IRAG2: variants seen among roughly 807,000 people sequenced by gnomAD.
IRAG2 encodes lymphoid restricted membrane protein.
A neutral mutation model predicts 69.9 loss-of-function variants in IRAG2; 45 were observed. The ratio of observed to expected loss-of-function variants is 0.64; its 90% confidence interval spans 0.51 to 0.83. IRAG2 has a LOEUF of 0.83. Ranked by LOEUF, IRAG2 falls within the 40% of genes least tolerant of loss-of-function variation. The pLI, the probability that IRAG2 is intolerant of heterozygous loss-of-function variation, is 0.00. For synonymous variants in IRAG2, 193 were observed against 202.4 expected, an observed-to-expected ratio of 0.95 and a Z score of 0.40; for missense variants, 520 against 587.0, an observed-to-expected ratio of 0.89 and a Z score of 1.18.
intron 6 of IRAG2, among the ~76,000 whole-genome samples, chr12:25,071,836 TA>T (rs1197265815): frequency 5.9e-5 from 9 of 151,788 alleles, no homozygotes; most frequent in Non-Finnish European, 8.8e-5. Context: ...CTTTTATATC[TA>T]AAAGGACCTC....
intron 15 of IRAG2, chr12:25,097,394 C>T (rs1948484790): frequency 1.2e-5 from 2 of 160,308 alleles, no homozygotes. Flanking sequence ...TATATACTCA[C>T]ATGTCACCAT....
chr12:25,011,193 C>G (rs1420725750), intron 2 of IRAG2, among the ~76,000 whole-genome samples: 1 of 152,174 alleles, frequency 6.6e-6, no homozygotes, highest in East Asian at 1.9e-4. Flanking sequence ...ACACTAGGTC[C>G]ATTAGACTTT....
intron 14 of IRAG2, among the ~76,000 whole-genome samples, chr12:25,095,340 T>A (rs913026811): frequency 6.6e-6 from 1 of 152,166 alleles, no homozygotes; most frequent in African/African-American, 2.4e-5. Context: ...GTTTTTGTGT[T>A]TTTTAATCAT....
rs533460604 is a variant in IRAG2 at position 25,031,013 on chromosome 12, G to A, written c.1518+679G>A. The A allele has an allele frequency of 2.3e-4, 227 of 985,108 alleles. 1 individual carries two copies. The African/African-American group carries it at 2.7e-3, about 12-fold the overall frequency. The allele number at this position is 985,108 out of a possible 1,614,324, so 61.0% of individuals were successfully genotyped here. ...CCTGTGATTGTAGCCAAGGATACCGGCTACAAAGGTGCTGGTTACGGTAAC... is the reference window on the plus strand; with the variant it reads ...CCTGTGATTGTAGCCAAGGATACCGACTACAAAGGTGCTGGTTACGGTAAC... On this transcript the variant is annotated intron_variant, in intron 10 of 38. Transcript: ENST00000636465.
intron 14 of IRAG2, chr12:25,035,936 C>T (rs891613583): frequency 1.8e-5 from 7 of 396,202 alleles, no homozygotes; most frequent in Non-Finnish European, 3.1e-5. Context: ...AGGTTTTTCT[C>T]AAACCTTTCT....
intron 5 of IRAG2, 139 bp downstream of exon 5, chr12:25,066,651 C>A: frequency 2.7e-4 from 90 of 338,272 alleles, no homozygotes; most frequent in East Asian, 4.0e-4. Flanking sequence ...TGAAAATTTA[C>A]AATTTCTTTC....
At chr12:25,013,833 T>C (rs949716160) in intron 3 of IRAG2, among the ~76,000 whole-genome samples, 30 of 151,360 alleles carry the variant, frequency 2.0e-4, no homozygotes. Flanking sequence ...CGATTATTTT[T>C]GCATAATGGT....
At chr12:25,020,584 GT>G (rs1944570426) in intron 6 of IRAG2, among the ~76,000 whole-genome samples, 1 of 152,144 alleles carries the variant, frequency 6.6e-6, no homozygotes, top group Non-Finnish European at 1.5e-5. Context: ...TTTCCCCATA[GT>G]CTCCATTCCC....
chr12:25,013,234 T>G (rs1944491115), intron 3 of IRAG2, among the ~76,000 whole-genome samples: 1 of 152,200 alleles, frequency 6.6e-6, no homozygotes, highest in South Asian at 2.1e-4. Flanking sequence ...CCCAGCACTT[T>G]GGAAGGCCAA....
intron 8 of IRAG2, among the ~76,000 whole-genome samples, chr12:25,026,610 G>A (rs912388023): frequency 6.6e-6 from 1 of 152,154 alleles, no homozygotes; most frequent in African/African-American, 2.4e-5. Context: ...TGGAGGGGCT[G>A]CAGTGACTGG....
At chr12:25,055,450 C>T (rs1945176055) in intron 1 of IRAG2, among the ~76,000 whole-genome samples, 1 of 152,118 alleles carries the variant, frequency 6.6e-6, no homozygotes, top group Non-Finnish European at 1.5e-5. Flanking sequence ...TTAGTGTTTG[C>T]TTTAAAAAGG....
At chr12:25,107,558 T>A (rs1404523083) in intron 21 of IRAG2, among the ~76,000 whole-genome samples, 2 of 151,108 alleles carry the variant, frequency 1.3e-5, no homozygotes, top group Non-Finnish European at 1.5e-5. Context: ...GAGATACTTG[T>A]ATGTACTTAT....
chr12:25,005,039 T>A lies in IRAG2; in HGVS notation c.574+124T>A, dbSNP rs149374727. On this transcript the variant is annotated intron_variant, in intron 1 of 38. Coordinates refer to the IRAG2 transcript ENST00000636465. ...TTGGATGGAATCATCCATCTTTCCCTTTCTGTTTTAACTATGTTTGTTTCC... is the reference window on the plus strand; with the variant it reads ...TTGGATGGAATCATCCATCTTTCCCATTCTGTTTTAACTATGTTTGTTTCC... The A allele has an allele frequency of 9.1e-6, 6 of 662,482 alleles. No homozygotes were observed. The South Asian group carries it at 4.1e-4, about 45-fold the overall frequency. 41.0% of individuals were successfully genotyped at this position (662,482 alleles called of 1,614,324 possible).
chr12:25,008,890 C>G (rs1944452750), intron 2 of IRAG2, among the ~76,000 whole-genome samples: 1 of 152,068 alleles, frequency 6.6e-6, no homozygotes, highest in Non-Finnish European at 1.5e-5. Context: ...TCTGCTTTTT[C>G]TCATTTAATA....
chr12:25,087,514 G>T (rs1332702482), intron 10 of IRAG2, among the ~76,000 whole-genome samples: 2 of 152,126 alleles, frequency 1.3e-5, no homozygotes, highest in South Asian at 4.1e-4. Context: ...CATTTATTTG[G>T]CAATTAATCC....
intron 3 of IRAG2, among the ~76,000 whole-genome samples, chr12:25,012,487 C>T (rs1944484873): frequency 6.6e-6 from 1 of 151,558 alleles, no homozygotes; most frequent in African/African-American, 2.4e-5. Context: ...GCCTCCTATT[C>T]AGCCACCAAT....
At chr12:24,998,006 G>A in the IRAG2 span, among the ~76,000 whole-genome samples, 1 of 152,224 alleles carries the variant, frequency 6.6e-6, no homozygotes, top group Non-Finnish European at 1.5e-5. Flanking sequence ...TTTGGAATGT[G>A]TGTTAGTGAA....
At chr12:25,011,568 T>G in intron 3 of IRAG2, 23 of 1,218,884 alleles carry the variant, frequency 1.9e-5, no homozygotes, top group Non-Finnish European at 2.4e-5. Context: ...AGAGTCCTAG[T>G]GGGATGCAGT....
intron 14 of IRAG2, among the ~76,000 whole-genome samples, chr12:25,094,883 G>T (rs1363017342): frequency 6.6e-6 from 1 of 152,038 alleles, no homozygotes; most frequent in Admixed American, 6.6e-5. Context: ...GAAATTGTTA[G>T]TGTGTAGAAA....
Sources: allele counts gnomAD v4.1 joint callset (sites outside exome capture counted in the v4.1 genomes callset), GRCh38; gene constraint gnomAD v4.1.1; transcripts MANE v1.5; gene names NCBI Gene and HGNC (gene_info 2026-07-23, HGNC 2026-07-21).